Variants in IQGAP2 observed in about 807,000 individuals in gnomAD.
The protein encoded by IQGAP2 is ras GTPase-activating-like protein IQGAP2.
IQGAP2 carries 173 observed loss-of-function variants against 201.3 expected under a neutral mutation model. That is an observed-to-expected ratio of 0.86 (90% CI 0.76 to 0.98). The LOEUF is 0.98. Ranked by LOEUF, IQGAP2 falls within the 50% of genes least tolerant of loss-of-function variation. The probability of loss-of-function intolerance (pLI) is 0.00; values close to 1 mark genes in which losing one functional copy is unlikely to be tolerated. For missense variants in IQGAP2, 1,687 were observed against 1,864.8 expected (o/e 0.90, Z 1.76); for synonymous variants, 675 against 673.9 (o/e 1.00, Z -0.03).
At chr5:76,431,446 G>A (rs1050847762) in intron 1 of IQGAP2, among the ~76,000 whole-genome samples, 1 of 152,126 alleles carries the variant, frequency 6.6e-6, no homozygotes, top group Non-Finnish European at 1.5e-5. Flanking sequence ...AATTGGTACA[G>A]TAGGTGTGGC....
At chr5:76,650,522 A>G (rs1369829223) in intron 17 of IQGAP2, among the ~76,000 whole-genome samples, 2 of 152,212 alleles carry the variant, frequency 1.3e-5, no homozygotes, top group African/African-American at 2.4e-5. Flanking sequence ...TATGTGTGGT[A>G]AGCTAAAATT....
rs778493091 is a variant in IQGAP2, at chr5:76,609,255, G to A, written c.1358-1765G>A. On this transcript the variant is annotated intron_variant, in intron 12 of 35. Coordinates refer to ENST00000274364, the MANE Select transcript of IQGAP2 (RefSeq NM_006633.5). ...GGTATTTAGAACAGCTTACCCAAGGGGGGTGACCAGAGAATGGCACTAAAT... is the reference window on the plus strand; with the variant it reads ...GGTATTTAGAACAGCTTACCCAAGGAGGGTGACCAGAGAATGGCACTAAAT... The A allele has an allele frequency of 3.1e-5, 48 of 1,535,162 alleles. 1 individual carries two copies. The South Asian group carries it at 5.0e-4, about 16-fold the overall frequency.
chr5:76,638,991 CA>C (rs1170071803), intron 16 of IQGAP2, among the ~76,000 whole-genome samples: 3 of 152,124 alleles, frequency 2.0e-5, no homozygotes, highest in Non-Finnish European at 4.4e-5. Flanking sequence ...AAGTTATGGC[CA>C]AAAGTAACCT....
chr5:76,457,805 G>T (rs908669744), intron 1 of IQGAP2, among the ~76,000 whole-genome samples: 1 of 152,108 alleles, frequency 6.6e-6, no homozygotes, highest in African/African-American at 2.4e-5. Context: ...TCTGCTCCTT[G>T]AATCTGTGAA....
intron 32 of IQGAP2, among the ~76,000 whole-genome samples, chr5:76,695,991 C>T (rs1746702184): frequency 6.6e-6 from 1 of 151,974 alleles, no homozygotes; most frequent in South Asian, 2.1e-4. Flanking sequence ...CAGGCACGCA[C>T]CACCACGCCC....
intron 2 of IQGAP2, among the ~76,000 whole-genome samples, chr5:76,478,473 A>G (rs1755581959): frequency 6.6e-6 from 1 of 152,142 alleles, no homozygotes; most frequent in Non-Finnish European, 1.5e-5. Context: ...GTAATGTCCT[A>G]GGGCTTCACA....
At chr5:76,686,467 T>C (rs1745763973) in intron 30 of IQGAP2, among the ~76,000 whole-genome samples, 1 of 152,106 alleles carries the variant, frequency 6.6e-6, no homozygotes, top group Admixed American at 6.6e-5. Flanking sequence ...TTTTTGTGTG[T>C]GGTGTGAGAC....
intron 1 of IQGAP2, among the ~76,000 whole-genome samples, chr5:76,420,313 T>C (rs1014618622): frequency 1.3e-5 from 2 of 152,126 alleles, no homozygotes; most frequent in South Asian, 2.1e-4. Flanking sequence ...CAGTGGACAG[T>C]TTTGTGGTAT....
At chr5:76,500,952 T>A (rs993990163) in intron 2 of IQGAP2, among the ~76,000 whole-genome samples, 1 of 152,144 alleles carries the variant, frequency 6.6e-6, no homozygotes, top group Non-Finnish European at 1.5e-5. Context: ...GCCAAAGGAC[T>A]GAGATTAGAG....
At chr5:76,536,171 C>T (rs1183099779) in intron 2 of IQGAP2, among the ~76,000 whole-genome samples, 3 of 148,712 alleles carry the variant, frequency 2.0e-5, no homozygotes, top group African/African-American at 5.0e-5. Context: ...TGGGTTCAAG[C>T]GATTGTCCTG....
At chr5:76,540,751 G>C (rs982419894) in intron 2 of IQGAP2, among the ~76,000 whole-genome samples, 2 of 152,180 alleles carry the variant, frequency 1.3e-5, no homozygotes, top group Non-Finnish European at 2.9e-5. Flanking sequence ...TAGCACACAG[G>C]CTGGTCTGGG....
chr5:76,655,142 G>A, intron 20 of IQGAP2, 139 bp downstream of exon 20: 1 of 608,666 alleles, frequency 1.6e-6, no homozygotes, highest in South Asian at 2.3e-5. Context: ...ATCATCTCAG[G>A]CCCCAGGTTC....
At chr5:76,649,785 C>T (rs1030012696) in intron 17 of IQGAP2, among the ~76,000 whole-genome samples, 5 of 152,332 alleles carry the variant, frequency 3.3e-5, no homozygotes, top group Admixed American at 3.3e-4. Context: ...CTCCATACTG[C>T]CCTAGCAGAG....
chr5:76,540,981 C>T (rs1742730023), intron 2 of IQGAP2, among the ~76,000 whole-genome samples: 2 of 152,162 alleles, frequency 1.3e-5, no homozygotes, highest in African/African-American at 4.8e-5. Flanking sequence ...CAGACACCTA[C>T]CTAATCTACA....
At chr5:76,647,854 C>T (rs536843525) in intron 17 of IQGAP2, among the ~76,000 whole-genome samples, 1 of 151,304 alleles carries the variant, frequency 6.6e-6, no homozygotes, top group East Asian at 1.9e-4. Flanking sequence ...CACACACAAA[C>T]GAAAAAAACT....
chr5:76,592,497 A>G (rs1746729979), intron 8 of IQGAP2, among the ~76,000 whole-genome samples: 1 of 152,146 alleles, frequency 6.6e-6, no homozygotes, highest in Non-Finnish European at 1.5e-5. Flanking sequence ...TATATTTATT[A>G]CTTGTGTTCT....
chr5:76,408,975 G>C (rs556823609), intron 1 of IQGAP2, among the ~76,000 whole-genome samples: 1 of 151,900 alleles, frequency 6.6e-6, no homozygotes, highest in African/African-American at 2.4e-5. Flanking sequence ...GTATGTTTTA[G>C]TAGAGGTGGG....
chr5:76,507,642 A>G (rs1757682270), intron 2 of IQGAP2, among the ~76,000 whole-genome samples: 1 of 152,262 alleles, frequency 6.6e-6, no homozygotes, highest in Admixed American at 6.5e-5. Context: ...AAAAAGATAT[A>G]TCTGATAAAA....
intron 17 of IQGAP2, among the ~76,000 whole-genome samples, chr5:76,651,687 A>T (rs939332208): frequency 6.6e-6 from 1 of 152,152 alleles, no homozygotes; most frequent in Non-Finnish European, 1.5e-5. Context: ...CTCATTGTAT[A>T]ATCTTTTGTC....
Sources: gnomAD v4.1 joint callset for allele counts (sites outside exome capture counted in the v4.1 genomes callset) on GRCh38, gnomAD v4.1.1 for gene constraint, MANE v1.5 for transcripts, NCBI Gene and HGNC (gene_info 2026-07-23, HGNC 2026-07-21) for gene names.